CDC25C: variants seen among roughly 807,000 people sequenced by gnomAD.
CDC25C encodes M-phase inducer phosphatase 3.
A neutral mutation model predicts 52.5 loss-of-function variants in CDC25C; 48 were observed. The ratio of observed to expected loss-of-function variants is 0.91; its 90% CI spans 0.72 to 1.16. The LOEUF (loss-of-function observed/expected upper bound fraction) is 1.16. Among genes scored for constraint, CDC25C ranks in the 50% most tolerant of loss-of-function variants. The probability of loss-of-function intolerance (pLI) is 0.00; values close to 1 mark genes in which losing one functional copy is unlikely to be tolerated. For missense variants in CDC25C, 510 were observed against 566.1 expected (o/e 0.90, Z 1.01); for synonymous variants, 187 against 206.5 (o/e 0.91, Z 0.81).
chr5:138,323,303 C>A (rs1281175450), intron 6 of CDC25C, among the ~76,000 whole-genome samples: 2 of 152,090 alleles, frequency 1.3e-5, no homozygotes, highest in Non-Finnish European at 2.9e-5. Flanking sequence ...TTATTTGAGA[C>A]TGAGTCTCCA....
At chr5:138,328,165 C>A (rs1393397947) in intron 4 of CDC25C, among the ~76,000 whole-genome samples, 1 of 152,162 alleles carries the variant, frequency 6.6e-6, no homozygotes, top group East Asian at 1.9e-4. Context: ...CCGTGTCCGG[C>A]CACTCTGTAC....
At chr5:138,302,968 G>A (rs937058978) in intron 7 of CDC25C, among the ~76,000 whole-genome samples, 7 of 151,966 alleles carry the variant, frequency 4.6e-5, no homozygotes, top group Non-Finnish European at 1.0e-4. Flanking sequence ...ACTTGGGGAG[G>A]CATAGGCAAG....
Position 138,290,720 on chromosome 5 carries a change from T to C in CDC25C, c.783A>G (p.Thr261=). Residue 261 remains threonine, a synonymous_variant, in exon 9 of 14, where the codon ACA becomes ACG. Coordinates refer to ENST00000323760, the MANE Select transcript of CDC25C (RefSeq NM_001790.5). ...KLRKGLCLKK[T]VSLCDITITQ... ...TGATAGTAATGTCACACAGAGAGACTGTCTTCTTTAAACATAAGCCCTGAA... is the reference window on the plus strand; with the variant it reads ...TGATAGTAATGTCACACAGAGAGACCGTCTTCTTTAAACATAAGCCCTGAA... 1.2e-6 allele frequency: 2 copies of C among 1,607,350 alleles called. No individual in the cohort carries two copies. Among genetic ancestry groups the C allele is most frequent in the Non-Finnish European group, 1.7e-6 (2 of 1,173,892 alleles).
intron 7 of CDC25C, among the ~76,000 whole-genome samples, chr5:138,314,000 T>TTCTTTCTTTCTTTC (rs1561701509): frequency 1.6e-4 from 23 of 145,490 alleles, no homozygotes; most frequent in Non-Finnish European, 2.9e-4. Context: ...TCTTTCTTTT[T>TTCTTTCTTTCTTTC]TTTTTTTTTT....
At chr5:138,328,641 C>A (rs1760085254) in intron 3 of CDC25C, 112 bp from the exon 4 acceptor site, 5 of 851,234 alleles carry the variant, frequency 5.9e-6, no homozygotes, top group South Asian at 1.4e-5. Context: ...AAGGACTGAG[C>A]TTTTGAATAC....
intron 7 of CDC25C, among the ~76,000 whole-genome samples, chr5:138,297,492 G>T (rs1561680054): frequency 6.6e-6 from 1 of 152,160 alleles, no homozygotes; most frequent in Non-Finnish European, 1.5e-5. Context: ...TCTAATAGAT[G>T]CTGGATTCAT....
chr5:138,329,970 A>T (rs1760224700), intron 2 of CDC25C, among the ~76,000 whole-genome samples: 1 of 152,110 alleles, frequency 6.6e-6, no homozygotes, highest in African/African-American at 2.4e-5. Flanking sequence ...ACCTCAGGTG[A>T]TCCACCCACC....
chr5:138,296,906 CTTT>C (rs1300029259), intron 7 of CDC25C, among the ~76,000 whole-genome samples: 62 of 80,184 alleles, frequency 7.7e-4, no homozygotes, highest in African/African-American at 2.4e-3. Flanking sequence ...CGCCCGGCCA[CTTT>C]TTTTTTTTTT....
In CDC25C at chr5:138,286,922, T is replaced by C. The variant is rs1469642899; in HGVS notation, c.1026+247A>G. Reference sequence around the variant, plus strand: ...CAAAGTGCTTCAGTCCTTGGATTAATGTTTTTATTTCTAGGTAGGACCCCT... The same window carrying C: ...CAAAGTGCTTCAGTCCTTGGATTAACGTTTTTATTTCTAGGTAGGACCCCT... On this transcript the variant is annotated intron_variant, in intron 11 of 13. Coordinates refer to ENST00000323760, the MANE Select transcript of CDC25C (RefSeq NM_001790.5). Among the ~76,000 whole-genome samples, 18 of 152,294 alleles carry C rather than the reference T, an allele frequency of 1.2e-4. No individual in the cohort carries two copies. The East Asian group carries it at 3.5e-3, about 29-fold the overall frequency.
At chr5:138,330,479 G>A (rs1760274604) in intron 2 of CDC25C, among the ~76,000 whole-genome samples, 1 of 152,242 alleles carries the variant, frequency 6.6e-6, no homozygotes, top group African/African-American at 2.4e-5. Context: ...CAAGATCCTA[G>A]TAAGATAGGA....
intron 6 of CDC25C, among the ~76,000 whole-genome samples, chr5:138,323,924 C>T (rs1759638951): frequency 6.7e-6 from 1 of 149,094 alleles, no homozygotes; most frequent in African/African-American, 2.5e-5. Flanking sequence ...TCCCACTGCA[C>T]TCCAGCCTGG....
At chr5:138,304,205 G>A (rs559112890) in intron 7 of CDC25C, among the ~76,000 whole-genome samples, 9 of 151,930 alleles carry the variant, frequency 5.9e-5, no homozygotes, top group Non-Finnish European at 8.8e-5. Context: ...GTCTTGCTCT[G>A]TTGCCCAGGC....
chr5:138,333,821 A>T (rs1760554438), upstream of CDC25C: 1 of 152,196 alleles, frequency 6.6e-6, no homozygotes, highest in Admixed American at 6.5e-5. Flanking sequence ...AATATACTAA[A>T]ATCTGAGCAC....
In CDC25C at chr5:138,331,142, TC is replaced by T; in HGVS notation, c.38del (p.Gly13GlufsTer17). Reference protein sequence around the residue: ...TELFSSTREEGSSGSGPSFRS... With the variant: ...TELFSSTREEXSSGSGPSFRS... ...TAAAACTGGGTCCTGAGCCAGAGCT[TC>T]CTTCCTCTCTTGTGGATGAGAAGAG... is the stretch of plus-strand genomic sequence containing the variant. On this transcript the variant is annotated frameshift_variant, in exon 2 of 14. Coordinates refer to ENST00000323760, the MANE Select transcript of CDC25C (RefSeq NM_001790.5). LOFTEE classifies it high-confidence loss of function. 1 of 1,614,096 alleles carries T rather than the reference TC, an allele frequency of 6.2e-7. No individual in the cohort carries two copies. Among genetic ancestry groups the T allele is most frequent in the Non-Finnish European group, 8.5e-7 (1 of 1,179,946 alleles).
Position 138,290,664 on chromosome 5 carries a change from C to T in CDC25C, c.839G>A (p.Gly280Glu). The change falls in exon 9 of 14, where the codon GGG (glycine) becomes GAG (glutamate). Residue 280 changes from glycine (G) to glutamate (E), a missense_variant. Coordinates refer to ENST00000323760, the MANE Select transcript of CDC25C (RefSeq NM_001790.5). ...TQMLEEDSNQ[G>E]HLIGDFSKVC... ...CTTGGAAAAATCACCAATCAGGTGC[C>T]CCTGGTTAGAATCTTCCTCCAGCAT... 2 of 1,607,198 alleles carry T rather than the reference C, an allele frequency of 1.2e-6. No individual in the cohort carries two copies. Among genetic ancestry groups the T allele is most frequent in the Non-Finnish European group, 1.7e-6 (2 of 1,173,812 alleles).
rs56366217 is a variant in CDC25C, at chr5:138,337,826, G to A, written c.13+130C>T. ...GAAGGGGGATTCCTTCGAAGAGGTG[G>A]TCGTGGAGGGCGGGGCAGCAGAGCA... On this transcript the variant is annotated intron_variant, in intron 1 of 5. Coordinates refer to the CDC25C transcript ENST00000510119. The A allele has an allele frequency of 0.17, 87,440 of 504,582 alleles. 8,588 individuals are homozygous for A. The highest frequency in any genetic ancestry group is 0.24 in the South Asian group (13,703 of 57,226). The allele number at this position is 504,582 out of a possible 1,614,324, so 31.3% of individuals were successfully genotyped here.
intron 10 of CDC25C, among the ~76,000 whole-genome samples, chr5:138,289,151 G>C (rs937686817): frequency 2.0e-5 from 3 of 151,984 alleles, no homozygotes; most frequent in Non-Finnish European, 4.4e-5. Context: ...ATTTTTATTA[G>C]AGATGGGGTT....
intron 6 of CDC25C, among the ~76,000 whole-genome samples, chr5:138,321,003 G>A (rs977698398): frequency 4.0e-5 from 6 of 151,384 alleles, no homozygotes; most frequent in African/African-American, 1.2e-4. Flanking sequence ...GCTGAGGTGG[G>A]AGAATAATCA....
intron 9 of CDC25C, among the ~76,000 whole-genome samples, chr5:138,289,942 G>A (rs1756573362): frequency 6.6e-6 from 1 of 151,852 alleles, no homozygotes; most frequent in Admixed American, 6.6e-5. Context: ...GCTCATGCCT[G>A]TAACCTCAGT....
Sources: gnomAD v4.1 joint callset for allele counts (sites outside exome capture counted in the v4.1 genomes callset) on GRCh38, gnomAD v4.1.1 for gene constraint, MANE v1.5 for transcripts, NCBI Gene and HGNC (gene_info 2026-07-23, HGNC 2026-07-21) for gene names.